Variants in SCRIB observed in about 807,000 individuals in gnomAD.
The protein encoded by SCRIB is scribble planar cell polarity protein, also known as protein scribble homolog.
In SCRIB, 72 loss-of-function variants were observed where a neutral mutation model predicts 170.0. The ratio of observed to expected loss-of-function variants is 0.42; its 90% CI spans 0.35 to 0.52. The LOEUF (loss-of-function observed/expected upper bound fraction) is 0.52, where lower values mean the gene tolerates loss of function less well. Ranked by LOEUF, SCRIB falls within the 20% of genes least tolerant of loss-of-function variation. The pLI is 0.02. For synonymous variants in SCRIB, 1,298 were observed against 1,044.3 expected (o/e 1.24, Z -4.68); for missense variants, 2,475 against 2,338.5 (o/e 1.06, Z -1.20).
At chr8:143,812,184 G>A (rs1815763551) in intron 9 of SCRIB, 82 bp downstream of exon 9, 3 of 926,830 alleles carry the variant, frequency 3.2e-6, no homozygotes, top group Middle Eastern at 2.1e-4. Flanking sequence ...GCACCCCCCA[G>A]CAGCAGACAC....
At chr8:143,810,637 A>G (rs774590716) in intron 12 of SCRIB, 33 bp from the exon 13 acceptor site, 11 of 1,605,834 alleles carry the variant, frequency 6.9e-6, no homozygotes, top group Non-Finnish European at 9.4e-6. Flanking sequence ...CAGCAGCCAC[A>G]GGGCAGGGGT....
Position 143,813,875 on chromosome 8 carries a change from C to T in SCRIB, c.299G>A (p.Ser100Asn). ...CTCCAGAGCCTTGCAGAACTTGATG[C>T]TCTCCGGGATCTCAGGGATATCTGT... ...SRNDIPEIPESIKFCKALEIA... is the reference protein window; with the variant it reads ...SRNDIPEIPENIKFCKALEIA... Residue 100 changes from serine to asparagine, a missense_variant, in exon 3 of 37, where the codon AGC becomes AAC. By Grantham distance (46) the Ser-to-Asn change is conservative (BLOSUM62 1). Around this residue, in one of 3 missense-constraint regions of SCRIB, gnomAD observed 487 missense variants for 558.1 expected, o/e 0.87. Transcript: ENST00000356994. 1 of 1,608,942 alleles carries T rather than the reference C, an allele frequency of 6.2e-7. No homozygotes were observed. The highest frequency in any genetic ancestry group is 1.1e-5 in the South Asian group (1 of 90,730).
Position 143,814,099 on chromosome 8 carries a change from T to C in SCRIB, c.179A>G (p.Asn60Ser). 6.4e-7 allele frequency: 1 copy of C among 1,553,706 alleles called. No homozygotes were observed. The highest frequency in any genetic ancestry group is 1.2e-5 in the South Asian group (1 of 84,320). Residue 60 changes from asparagine (N) to serine (S), a missense_variant, in exon 2 of 37, where the codon AAC (asparagine) becomes AGC (serine). Coordinates refer to ENST00000356994, the MANE Select transcript of SCRIB (RefSeq NM_182706.5). ...GTCGCTCAGGCCCAGCTTGCGCAAGTTCAGCAGCCGGAAAAAAGGCTGTGG... is the reference window on the plus strand; with the variant it reads ...GTCGCTCAGGCCCAGCTTGCGCAAGCTCAGCAGCCGGAAAAAAGGCTGTGG... ...ELPKPFFRLL[N>S]LRKLGLSDNE...
chr8:143,803,970 C>A, intron 22 of SCRIB, 30 bp from the exon 23 acceptor site: 1 of 1,572,262 alleles, frequency 6.4e-7, no homozygotes, highest in Non-Finnish European at 8.6e-7. Context: ...CAGCTGGTGG[C>A]TGAGGCCGCG....
rs1359342430 is a variant in SCRIB at position 143,813,941 on chromosome 8, C to T, written c.278-45G>A. The T allele has an allele frequency of 5.7e-6, 9 of 1,591,030 alleles. No homozygotes were observed. In the African/African-American group the frequency reaches 6.7e-5, roughly 12 times the overall value. Reference sequence around the variant, plus strand: ...TGGACAGATGCCATGGCCTGCAGGCCGTCTGCAGCCCCAGCGGACACTCCC... The same window carrying T: ...TGGACAGATGCCATGGCCTGCAGGCTGTCTGCAGCCCCAGCGGACACTCCC... On this transcript the variant is annotated intron_variant, in intron 2 of 36. Coordinates refer to ENST00000356994, the MANE Select transcript of SCRIB (RefSeq NM_182706.5).
chr8:143,803,233 C>T, intron 24 of SCRIB, 150 bp downstream of exon 24: 1 of 761,974 alleles, frequency 1.3e-6, no homozygotes, highest in Non-Finnish European at 2.0e-6. Flanking sequence ...CCCACAGCTC[C>T]CCAGCCCGCA....
rs763803412 is a variant in SCRIB at position 143,813,054 on chromosome 8, C to T, written c.618G>A (p.Arg206=). The stretch of plus-strand genomic sequence containing the variant: ...CCGGGGGCAGTGCTGACAGCTGGTT[C>T]CGGTCAAGCCACAGCTCCCGAAGAT... ...LPNLRELWLD[R]NQLSALPPEL... Residue 206 remains arginine (R), a synonymous_variant, in exon 7 of 37, where the codon CGG becomes CGA. Coordinates refer to ENST00000356994, the MANE Select transcript of SCRIB (RefSeq NM_182706.5). 1.9e-6 allele frequency: 3 copies of T among 1,589,488 alleles called. No homozygotes were observed. Among genetic ancestry groups the T allele is most frequent in the Non-Finnish European group, 2.6e-6 (3 of 1,168,268 alleles).
chr8:143,800,213 T>C lies in SCRIB; in HGVS notation c.3603+3170A>G, dbSNP rs190581844. Among the ~76,000 whole-genome samples the C allele has an allele frequency of 7.2e-3, 1,099 of 152,166 alleles. 6 individuals are homozygous for C. Among genetic ancestry groups the C allele is most frequent in the Admixed American group, 0.015 (235 of 15,288 alleles). ...AAGCCCCAAGCCCGCTGATGAAACC[T>C]CCATGGGCTGAACCAACCCTACTTA... On this transcript the variant is annotated intron_variant, in intron 24 of 36. Transcript: ENST00000356994.
rs111965061 is a variant in SCRIB, at chr8:143,799,191, G to C, written c.3604-3661C>G. On this transcript the variant is annotated intron_variant, in intron 24 of 36. Transcript: ENST00000356994. ...AGGAGCTCACATCAGGACAGAAACA[G>C]AGCTAGTGATCTCTTCTTTACAGAC... Among the ~76,000 whole-genome samples, 806 of 152,316 alleles carry C rather than the reference G, an allele frequency of 5.3e-3. 6 individuals carry two copies. The highest frequency in any genetic ancestry group is 0.019 in the African/African-American group (773 of 41,574).
Position 143,792,342 on chromosome 8 carries a change from T to C in SCRIB, c.4392A>G (p.Glu1464=). 1 of 1,543,256 alleles carries C rather than the reference T, an allele frequency of 6.5e-7. No homozygotes were observed. Among genetic ancestry groups the C allele is most frequent in the Non-Finnish European group, 8.7e-7 (1 of 1,150,898 alleles). ...CGCGCAGCCGCTCCTGGTGGCGCCG[T>C]TCAGCTTTGGCCGTCCGCACCGGGG... is the stretch of plus-strand genomic sequence containing the variant. ...GGAPVRTAKA[E]RRHQERLRVQ... The change falls in exon 32 of 37, where the codon GAA becomes GAG. Residue 1464 remains glutamate (E), a synonymous_variant. Transcript: ENST00000356994.
chr8:143,808,180 T>C (rs1209169084), intron 15 of SCRIB, among the ~76,000 whole-genome samples: 2 of 152,166 alleles, frequency 1.3e-5, no homozygotes, highest in South Asian at 2.1e-4. Flanking sequence ...ACGACACATG[T>C]AGACAGGCCC....
chr8:143,799,527 G>A (rs979862270), intron 24 of SCRIB, among the ~76,000 whole-genome samples: 3 of 152,182 alleles, frequency 2.0e-5, no homozygotes, highest in East Asian at 1.9e-4. Flanking sequence ...CCAAACACGC[G>A]GGGTAGCGGG....
rs1587542014 is a variant in SCRIB at position 143,810,716 on chromosome 8, C to T, written c.1374G>A (p.Glu458=). Residue 458 remains glutamate (E), a synonymous_variant, in exon 12 of 37, where the codon GAG becomes GAA. Coordinates refer to ENST00000356994, the MANE Select transcript of SCRIB (RefSeq NM_182706.5). ...IQFLEAPIGD[E]DAEEAAAEKR... is the part of the protein sequence containing the mutation. ...TCTCAGCTGCAGCTTCCTCAGCGTC[C>T]TCATCACCTATGGGGGCCTCCAGGA... is the stretch of plus-strand genomic sequence containing the variant. The T allele has an allele frequency of 6.2e-7, 1 of 1,606,850 alleles. No homozygotes were observed. The highest frequency in any genetic ancestry group is 8.5e-7 in the Non-Finnish European group (1 of 1,175,632).
Position 143,813,380 on chromosome 8 carries a change from G to T in SCRIB, c.504-6C>A. 3 of 1,613,562 alleles carry T rather than the reference G, an allele frequency of 1.9e-6. No individual in the cohort carries two copies. In the South Asian group the frequency reaches 3.3e-5, roughly 18 times the overall value. ...TGACCAGAAATGACAGGGACCTGCAGAGGAAGCAGGGTGGAGGTGTGGCCA... is the reference window on the plus strand; with the variant it reads ...TGACCAGAAATGACAGGGACCTGCATAGGAAGCAGGGTGGAGGTGTGGCCA... On this transcript the variant is annotated splice_polypyrimidine_tract_variant and splice_region_variant and intron_variant, in intron 5 of 36. Coordinates refer to ENST00000356994, the MANE Select transcript of SCRIB (RefSeq NM_182706.5).
At chr8:143,792,910 G>C (rs1428514618) in intron 29 of SCRIB, 43 bp from the exon 30 acceptor site, 1 of 1,503,634 alleles carries the variant, frequency 6.7e-7, no homozygotes. Context: ...ATTCCTCCGA[G>C]ATACTGGGGC....
At chr8:143,805,769 T>C in intron 18 of SCRIB, among the ~76,000 whole-genome samples, 1 of 152,040 alleles carries the variant, frequency 6.6e-6, no homozygotes, top group Non-Finnish European at 1.5e-5. Context: ...AACACACACC[T>C]AAGGTCGCTG....
chr8:143,798,587 C>T (rs74669508), intron 24 of SCRIB, among the ~76,000 whole-genome samples: 4 of 152,306 alleles, frequency 2.6e-5, no homozygotes, highest in South Asian at 4.1e-4. Context: ...GGCCATGTGC[C>T]ACCACACTCA....
At chr8:143,812,518 C>A in intron 8 of SCRIB, 134 bp from the exon 9 acceptor site, 1 of 658,044 alleles carries the variant, frequency 1.5e-6, no homozygotes, top group Admixed American at 2.7e-5. Flanking sequence ...TCGGGAGGAC[C>A]CTACCTACCT....
chr8:143,791,776 G>T, intron 34 of SCRIB, 36 bp from the exon 35 acceptor site: 1 of 1,446,412 alleles, frequency 6.9e-7, no homozygotes, highest in Non-Finnish European at 9.6e-7. Context: ...GGCAGAGAGT[G>T]AGAGGAAAGG....
Sources: gnomAD v4.1 joint callset for allele counts (sites outside exome capture counted in the v4.1 genomes callset) on GRCh38, gnomAD v4.1.1 for gene constraint, gnomAD v4.1.1 regional missense constraint, MANE v1.5 for transcripts, NCBI Gene and HGNC (gene_info 2026-07-23, HGNC 2026-07-21) for gene names.